MUC13: variants seen among roughly 807,000 people sequenced by gnomAD.
MUC13 encodes mucin 13, cell surface associated, also known as mucin-13.
In MUC13, 32 loss-of-function variants were observed where a neutral mutation model predicts 48.3. The observed-to-expected ratio is 0.66, with a 90% CI of 0.50 to 0.89. The LOEUF (loss-of-function observed/expected upper bound fraction) is 0.89. Ranked by LOEUF, MUC13 falls within the 40% of genes least tolerant of loss-of-function variation. The pLI is 0.00. For missense variants in MUC13, 571 were observed against 622.8 expected, an observed-to-expected ratio of 0.92 and a Z score of 0.88; for synonymous variants, 199 against 224.9, an observed-to-expected ratio of 0.88 and a Z score of 1.03.
Position 124,909,473 on chromosome 3 carries a change from C to A in MUC13, c.1337+942G>T, listed in dbSNP as rs917568693. On this transcript the variant is annotated intron_variant, in intron 10 of 11. Coordinates refer to ENST00000616727, the MANE Select transcript of MUC13 (RefSeq NM_033049.4). ...AGCTAATAGCCATGCAGAGATGACACGTGTGTGCTTGCGTGTGTGTGTGTG... is the reference window on the plus strand; with the variant it reads ...AGCTAATAGCCATGCAGAGATGACAAGTGTGTGCTTGCGTGTGTGTGTGTG... 2.3e-5 allele frequency among the ~76,000 whole-genome samples: 3 copies of A among 132,356 alleles called. No homozygotes were observed. The Admixed American group carries it at 2.4e-4, about 11-fold the overall frequency. 86.8% of individuals were successfully genotyped at this position (132,356 alleles called of 152,430 possible).
chr3:124,931,352 A>C (rs1441804684), intron 1 of MUC13, among the ~76,000 whole-genome samples: 4 of 151,052 alleles, frequency 2.6e-5, no homozygotes, highest in Admixed American at 6.6e-5. Flanking sequence ...AATTGGTTGA[A>C]CCCAGGAGGC....
chr3:124,909,329 G>A (rs760194502), intron 10 of MUC13, among the ~76,000 whole-genome samples: 1 of 152,138 alleles, frequency 6.6e-6, no homozygotes, highest in East Asian at 1.9e-4. Flanking sequence ...CATTGAGAAT[G>A]GGAAAAAGAT....
At chr3:124,910,645 G>A in intron 9 of MUC13, 146 bp from the exon 10 acceptor site, 2 of 1,317,266 alleles carry the variant, frequency 1.5e-6, no homozygotes, top group Admixed American at 2.7e-5. Flanking sequence ...TGGGTAGTTG[G>A]CCTATTTCCT....
intron 6 of MUC13, among the ~76,000 whole-genome samples, chr3:124,915,878 A>G (rs1935504263): frequency 6.6e-6 from 1 of 152,096 alleles, no homozygotes; most frequent in Non-Finnish European, 1.5e-5. Context: ...GGATTTTGCC[A>G]TGTTGCCCAG....
chr3:124,929,731 A>G (rs1197146665), intron 1 of MUC13, among the ~76,000 whole-genome samples: 1 of 152,226 alleles, frequency 6.6e-6, no homozygotes. Flanking sequence ...ATAAGTGCCC[A>G]CATTTGACAG....
intron 1 of MUC13, among the ~76,000 whole-genome samples, chr3:124,931,243 C>T (rs1489690315): frequency 2.7e-5 from 4 of 150,788 alleles, no homozygotes; most frequent in Non-Finnish European, 4.4e-5. Flanking sequence ...CCATCCTGGC[C>T]AACATGATGA....
Position 124,906,131 on chromosome 3 carries a change from T to G in MUC13, c.*612A>C, listed in dbSNP as rs1935312658. On this transcript the variant is annotated 3_prime_UTR_variant, in exon 12 of 12. Coordinates refer to ENST00000616727, the MANE Select transcript of MUC13 (RefSeq NM_033049.4). Reference sequence around the variant, plus strand: ...CACGCCTCCTGAAAAAGCTGAGAGATATGTCTCTTTCCAGTCTTCTTGGGT... The same window carrying G: ...CACGCCTCCTGAAAAAGCTGAGAGAGATGTCTCTTTCCAGTCTTCTTGGGT... 6.6e-6 allele frequency: 1 copy of G among 152,654 alleles called. No homozygotes were observed. Among genetic ancestry groups the G allele is most frequent in the Non-Finnish European group, 1.5e-5 (1 of 68,060 alleles). The allele number at this position is 152,654 out of a possible 1,614,324, so 9.5% of individuals were successfully genotyped here.
chr3:124,910,702 A>G (rs79489067), intron 9 of MUC13, among the ~76,000 whole-genome samples: 3,655 of 152,266 alleles, frequency 0.024, 135 homozygotes, highest in African/African-American at 0.083. Flanking sequence ...TCAGAACTCA[A>G]TTGGAAAGGG....
intron 1 of MUC13, among the ~76,000 whole-genome samples, chr3:124,928,676 C>G (rs1347832989): frequency 6.6e-6 from 1 of 152,184 alleles, no homozygotes; most frequent in Non-Finnish European, 1.5e-5. Context: ...CCCACCAGTC[C>G]CGCAGAAGAG....
intron 11 of MUC13, among the ~76,000 whole-genome samples, chr3:124,907,563 A>C (rs1016096523): frequency 6.6e-6 from 1 of 152,146 alleles, no homozygotes; most frequent in Non-Finnish European, 1.5e-5. Flanking sequence ...GGCTACAGTG[A>C]GCCAAGATCG....
intron 5 of MUC13, among the ~76,000 whole-genome samples, chr3:124,917,387 A>G (rs1455784992): frequency 6.8e-6 from 1 of 147,152 alleles, no homozygotes; most frequent in Non-Finnish European, 1.5e-5. Flanking sequence ...TTGCTCTGTC[A>G]CCAGGCTGGA....
chr3:124,932,803 A>G (rs1206985254), intron 1 of MUC13, among the ~76,000 whole-genome samples: 1 of 151,940 alleles, frequency 6.6e-6, no homozygotes, highest in African/African-American at 2.4e-5. Flanking sequence ...TGCCATCTGA[A>G]TCCCTGCTTG....
At chr3:124,928,464 G>C (rs1215696950) in intron 1 of MUC13, among the ~76,000 whole-genome samples, 1 of 151,978 alleles carries the variant, frequency 6.6e-6, no homozygotes, top group Non-Finnish European at 1.5e-5. Context: ...CTGCAGCCTT[G>C]AGCTCCTAGG....
At chr3:124,916,220 T>C in intron 6 of MUC13, 97 bp downstream of exon 6, 1 of 879,884 alleles carries the variant, frequency 1.1e-6, no homozygotes, top group Admixed American at 2.6e-5. Flanking sequence ...AGTTCAATGA[T>C]GCAGTTCTTG....
Position 124,929,170 on chromosome 3 carries a change from C to CTT in MUC13, c.53-1179_53-1178dup, listed in dbSNP as rs1238533365. On this transcript the variant is annotated intron_variant, in intron 1 of 11. Transcript: ENST00000616727. The stretch of plus-strand genomic sequence containing the variant: ...CAGTGATCCATTTTCTTCCCCCACT[C>CTT]TTTTATTTTATTTTTTTTTTTTAGA... Among the ~76,000 whole-genome samples, 10 of 134,494 alleles carry CTT rather than the reference C, an allele frequency of 7.4e-5. 1 individual carries two copies. The highest frequency in any genetic ancestry group is 2.5e-4 in the South Asian group (1 of 3,942). 88.2% of individuals were successfully genotyped at this position (134,494 alleles called of 152,430 possible).
At chr3:124,932,407 A>G (rs2107675013) in intron 1 of MUC13, among the ~76,000 whole-genome samples, 1 of 152,066 alleles carries the variant, frequency 6.6e-6, no homozygotes, top group South Asian at 2.1e-4. Flanking sequence ...CTCTACTAAA[A>G]ATACAAAAAT....
intron 1 of MUC13, among the ~76,000 whole-genome samples, chr3:124,930,349 C>T (rs12495301): frequency 0.25 from 11,046 of 44,116 alleles, 591 homozygotes; most frequent in East Asian, 0.51. Context: ...TGAATAGCTA[C>T]GATTTTTTTT....
intron 2 of MUC13, among the ~76,000 whole-genome samples, chr3:124,926,678 T>C (rs1935693006): frequency 6.6e-6 from 1 of 152,222 alleles, no homozygotes; most frequent in South Asian, 2.1e-4. Flanking sequence ...AGGATTTATC[T>C]AGATTCTTTA....
chr3:124,929,388 C>A (rs910031003), intron 1 of MUC13, among the ~76,000 whole-genome samples: 1 of 148,342 alleles, frequency 6.7e-6, no homozygotes, highest in Admixed American at 6.8e-5. Flanking sequence ...GAACTCTGAC[C>A]TTGACAATAG....
Sources: allele counts gnomAD v4.1 joint callset (sites outside exome capture counted in the v4.1 genomes callset), GRCh38; gene constraint gnomAD v4.1.1; transcripts MANE v1.5; gene names NCBI Gene and HGNC (gene_info 2026-07-23, HGNC 2026-07-21).